Variants in HMGCLL1 observed in about 807,000 individuals in gnomAD.
HMGCLL1 encodes the protein 3-hydroxy-3-methylglutaryl-CoA lyase like 1.
A neutral mutation model predicts 39.1 loss-of-function variants in HMGCLL1; 36 were observed. The ratio of observed to expected loss-of-function variants is 0.92; its 90% confidence interval spans 0.71 to 1.22. The LOEUF (loss-of-function observed/expected upper bound fraction) is 1.22, where lower values mean the gene tolerates loss of function less well. Ranked by LOEUF, HMGCLL1 falls within the 50% of genes most tolerant of loss-of-function variation. The pLI, the probability that HMGCLL1 is intolerant of heterozygous loss-of-function variation, is 0.00. For missense variants in HMGCLL1, 451 were observed against 416.5 expected (o/e 1.08, Z -0.72); for synonymous variants, 149 against 144.0 (o/e 1.03, Z -0.25).
intron 5 of HMGCLL1, among the ~76,000 whole-genome samples, chr6:55,499,690 T>C (rs1766774833): frequency 6.6e-6 from 1 of 152,066 alleles, no homozygotes; most frequent in Non-Finnish European, 1.5e-5. Flanking sequence ...AAGGAGATCA[T>C]GTAGTAAACT....
chr6:55,509,675 A>G (rs920131515), intron 5 of HMGCLL1, among the ~76,000 whole-genome samples: 1 of 151,902 alleles, frequency 6.6e-6, no homozygotes, highest in South Asian at 2.1e-4. Flanking sequence ...AAGGATGAGA[A>G]TTATATAGAG....
At chr6:55,587,965 A>C in the HMGCLL1 span, among the ~76,000 whole-genome samples, 12 of 152,328 alleles carry the variant, frequency 7.9e-5, no homozygotes, top group African/African-American at 2.6e-4. Flanking sequence ...GGAGACTTTA[A>C]CACCGCACTG....
chr6:55,592,810 G>A, the HMGCLL1 span, among the ~76,000 whole-genome samples: 1 of 152,050 alleles, frequency 6.6e-6, no homozygotes, highest in Non-Finnish European at 1.5e-5. Flanking sequence ...CTATGTTACA[G>A]ATGAGACCAT....
rs1414092950 is a variant in HMGCLL1 at position 55,553,155 on chromosome 6, C to CTA, written c.109-11016_109-11015insTA. Among the ~76,000 whole-genome samples the CTA allele has an allele frequency of 8.4e-3, 764 of 90,450 alleles. 3 individuals carry two copies. Among genetic ancestry groups the CTA allele is most frequent in the African/African-American group, 0.023 (627 of 27,190 alleles). The allele number at this position is 90,450 out of a possible 152,430, so 59.3% of individuals were successfully genotyped here. On this transcript the variant is annotated intron_variant, in intron 1 of 8. Coordinates refer to ENST00000274901, the MANE Select transcript of HMGCLL1 (RefSeq NM_001042406.2). ...CAAAACTCCATCTCTCTCTCTCTCT[C>CTA]TCTCTATATATATATATATACATAC...
chr6:55,436,869 G>A (rs1430960833), intron 8 of HMGCLL1, among the ~76,000 whole-genome samples: 2 of 151,968 alleles, frequency 1.3e-5, no homozygotes, highest in African/African-American at 2.4e-5. Flanking sequence ...TTACAAAGTT[G>A]TTTTCAGGAT....
chr6:55,443,313 A>G (rs927922494), intron 7 of HMGCLL1, among the ~76,000 whole-genome samples: 1 of 152,214 alleles, frequency 6.6e-6, no homozygotes, highest in African/African-American at 2.4e-5. Flanking sequence ...AGCAAAAGTC[A>G]GAGGAATCAG....
At chr6:55,647,109 G>A in the HMGCLL1 span, among the ~76,000 whole-genome samples, 1 of 151,868 alleles carries the variant, frequency 6.6e-6, no homozygotes, top group Non-Finnish European at 1.5e-5. Flanking sequence ...GTATTCTCTT[G>A]CAGAATTGAG....
intron 5 of HMGCLL1, chr6:55,513,028 G>A (rs1235011382): frequency 2.0e-5 from 3 of 152,080 alleles, no homozygotes; most frequent in Non-Finnish European, 4.4e-5. Context: ...TATTGGTCCT[G>A]GAAGCAGACA....
intron 3 of HMGCLL1, among the ~76,000 whole-genome samples, chr6:55,539,544 G>A (rs1034066546): frequency 5.9e-5 from 9 of 152,020 alleles, no homozygotes; most frequent in South Asian, 2.1e-4. Context: ...GCAAGGATAC[G>A]GATGAAGCTG....
Position 55,435,890 on chromosome 6 carries a change from T to C in HMGCLL1, c.922-127A>G, listed in dbSNP as rs1378958966. On this transcript the variant is annotated intron_variant, in intron 8 of 8. Transcript: ENST00000274901. ...AAATTACTAAACAAAGTGGTGTTGG[T>C]CATTATCAATTTTGGGGCAACATTT... The C allele has an allele frequency of 8.5e-6, 4 of 467,956 alleles. No homozygotes were observed. The South Asian group carries it at 1.6e-4, about 19-fold the overall frequency. 29.0% of individuals were successfully genotyped at this position (467,956 alleles called of 1,614,324 possible).
At chr6:55,670,345 G>A in the HMGCLL1 span, among the ~76,000 whole-genome samples, 1 of 151,572 alleles carries the variant, frequency 6.6e-6, no homozygotes, top group Non-Finnish European at 1.5e-5. Context: ...ATTTAATAAA[G>A]AATTGTTAAA....
chr6:55,522,282 AT>A (rs1768080601), intron 3 of HMGCLL1, among the ~76,000 whole-genome samples: 1 of 151,892 alleles, frequency 6.6e-6, no homozygotes, highest in Non-Finnish European at 1.5e-5. Context: ...ATAGGGTGAA[AT>A]TTTTTATAGG....
chr6:55,660,434 A>G, the HMGCLL1 span, among the ~76,000 whole-genome samples: 2 of 151,584 alleles, frequency 1.3e-5, no homozygotes, highest in African/African-American at 4.8e-5. Context: ...TGTTCTCATA[A>G]TTTAGCTCCC....
chr6:55,614,897 C>A, the HMGCLL1 span, among the ~76,000 whole-genome samples: 1 of 151,970 alleles, frequency 6.6e-6, no homozygotes, highest in African/African-American at 2.4e-5. Context: ...CCTCATAGCA[C>A]TTTGGGAGGC....
chr6:55,628,198 A>C, the HMGCLL1 span, among the ~76,000 whole-genome samples: 256 of 75,282 alleles, frequency 3.4e-3, 3 homozygotes, highest in African/African-American at 0.013. Flanking sequence ...ATATATATAT[A>C]GTATATCCTA....
the HMGCLL1 span, among the ~76,000 whole-genome samples, chr6:55,620,528 A>C: frequency 6.6e-6 from 1 of 151,918 alleles, no homozygotes; most frequent in Admixed American, 6.6e-5. Flanking sequence ...GTACATTTTT[A>C]CTTGGATTAT....
chr6:55,443,390 G>C (rs533658354), intron 7 of HMGCLL1, among the ~76,000 whole-genome samples: 1 of 152,142 alleles, frequency 6.6e-6, no homozygotes, highest in African/African-American at 2.4e-5. Context: ...TGGAATCCAC[G>C]TATCATGTTC....
chr6:55,566,005 C>A (rs1236720273), intron 1 of HMGCLL1, among the ~76,000 whole-genome samples: 1 of 151,964 alleles, frequency 6.6e-6, no homozygotes, highest in African/African-American at 2.4e-5. Flanking sequence ...AGTTATCAGC[C>A]CTTACATCAA....
chr6:55,564,097 G>T (rs1402805376), intron 1 of HMGCLL1, among the ~76,000 whole-genome samples: 1 of 152,020 alleles, frequency 6.6e-6, no homozygotes, highest in East Asian at 1.9e-4. Context: ...AGTGTGACTG[G>T]CTCTGGGCTC....
Sources: allele counts gnomAD v4.1 joint callset (sites outside exome capture counted in the v4.1 genomes callset), GRCh38; gene constraint gnomAD v4.1.1; transcripts MANE v1.5; gene names NCBI Gene and HGNC (gene_info 2026-07-23, HGNC 2026-07-21).